Variants in SUGCT observed in about 807,000 individuals in gnomAD.
SUGCT encodes succinyl-CoA:glutarate-CoA transferase.
Under a neutral mutation model 55.0 loss-of-function variants are expected in SUGCT, and 41 were observed. The ratio of observed to expected loss-of-function variants is 0.74; its 90% CI spans 0.58 to 0.97. The LOEUF (loss-of-function observed/expected upper bound fraction) is 0.97, where lower values mean the gene tolerates loss of function less well. Ranked by LOEUF, SUGCT falls within the 50% of genes least tolerant of loss-of-function variation. The pLI is 0.00. For missense variants in SUGCT, 568 were observed against 547.8 expected (o/e 1.04, Z -0.37); for synonymous variants, 187 against 200.4 (o/e 0.93, Z 0.56).
At chr7:40,633,351 A>G (rs1799878167) in intron 12 of SUGCT, among the ~76,000 whole-genome samples, 1 of 152,226 alleles carries the variant, frequency 6.6e-6, no homozygotes, top group Non-Finnish European at 1.5e-5. Flanking sequence ...AAGTAAAATA[A>G]ACATTCACTG....
At chr7:40,171,410 C>T (rs1445409228) in intron 1 of SUGCT, among the ~76,000 whole-genome samples, 1 of 152,194 alleles carries the variant, frequency 6.6e-6, no homozygotes, top group East Asian at 1.9e-4. Flanking sequence ...CTCAGTCACC[C>T]TGGAGGAACC....
intron 7 of SUGCT, among the ~76,000 whole-genome samples, chr7:40,247,473 G>A (rs956592915): frequency 3.3e-5 from 5 of 152,066 alleles, no homozygotes; most frequent in African/African-American, 1.2e-4. Context: ...GGCCAGGCTG[G>A]TTTTGAACTC....
intron 12 of SUGCT, among the ~76,000 whole-genome samples, chr7:40,722,402 G>A (rs1786389228): frequency 6.6e-6 from 1 of 152,152 alleles, no homozygotes; most frequent in Non-Finnish European, 1.5e-5. Context: ...AGACCTTGGT[G>A]CAGTGCTCAG....
intron 12 of SUGCT, among the ~76,000 whole-genome samples, chr7:40,668,120 A>C (rs987351528): frequency 6.6e-6 from 1 of 152,198 alleles, no homozygotes; most frequent in Non-Finnish European, 1.5e-5. Context: ...ATTTGTCAGA[A>C]TATAAATGGT....
intron 13 of SUGCT, chr7:40,782,558 A>T (rs545569598): frequency 1.3e-5 from 2 of 152,314 alleles, no homozygotes; most frequent in Admixed American, 1.3e-4. Context: ...TCTTCTAGCC[A>T]CCACATTTAG....
the SUGCT span, among the ~76,000 whole-genome samples, chr7:40,963,126 C>T: frequency 6.6e-6 from 1 of 152,044 alleles, no homozygotes; most frequent in Non-Finnish European, 1.5e-5. Context: ...TCAAAATTTA[C>T]CTAATTATTA....
chr7:40,628,322 C>T (rs1469620346), intron 12 of SUGCT, among the ~76,000 whole-genome samples: 3 of 152,178 alleles, frequency 2.0e-5, no homozygotes, highest in African/African-American at 7.2e-5. Context: ...GTATGCTAGG[C>T]GGTTGGATCA....
intron 6 of SUGCT, among the ~76,000 whole-genome samples, chr7:40,232,301 CG>C (rs1407981204): frequency 6.6e-6 from 1 of 152,142 alleles, no homozygotes; most frequent in African/African-American, 2.4e-5. Flanking sequence ...AGATCCCTGT[CG>C]GGAGAGTTGT....
chr7:40,540,532 A>G (rs990569941), intron 12 of SUGCT, among the ~76,000 whole-genome samples: 2 of 152,248 alleles, frequency 1.3e-5, no homozygotes, highest in Non-Finnish European at 2.9e-5. Flanking sequence ...TGTCCTTACC[A>G]GGAAAGTTAC....
At chr7:40,157,892 A>C (rs569360217) in intron 1 of SUGCT, among the ~76,000 whole-genome samples, 1 of 152,300 alleles carries the variant, frequency 6.6e-6, no homozygotes, top group South Asian at 2.1e-4. Flanking sequence ...TCCGAGAGTC[A>C]AATTCTACTG....
intron 9 of SUGCT, among the ~76,000 whole-genome samples, chr7:40,317,852 A>G (rs1171394510): frequency 1.3e-5 from 2 of 152,194 alleles, no homozygotes; most frequent in East Asian, 3.8e-4. Flanking sequence ...CTCTGTTTAT[A>G]TTCATGGCCC....
At chr7:40,957,780 T>A in the SUGCT span, among the ~76,000 whole-genome samples, 1 of 152,192 alleles carries the variant, frequency 6.6e-6, no homozygotes, top group Non-Finnish European at 1.5e-5. Flanking sequence ...CATTTTTGTA[T>A]GTTGTTGCAG....
intron 6 of SUGCT, chr7:40,217,601 A>C (rs578021838): frequency 2.8e-4 from 79 of 286,270 alleles, no homozygotes; most frequent in Non-Finnish European, 5.0e-4. Flanking sequence ...CTTTCTCCCC[A>C]TCCTCCTCTA....
chr7:40,272,993 G>T (rs933593384), intron 7 of SUGCT, among the ~76,000 whole-genome samples: 2 of 152,022 alleles, frequency 1.3e-5, no homozygotes, highest in African/African-American at 4.8e-5. Flanking sequence ...AAAATTCCAC[G>T]TATAAGTGGA....
the SUGCT span, among the ~76,000 whole-genome samples, chr7:40,981,498 T>C: frequency 6.6e-6 from 1 of 152,224 alleles, no homozygotes; most frequent in Non-Finnish European, 1.5e-5. Flanking sequence ...ACTCTTAGTG[T>C]TCTTTTCAGA....
the SUGCT span, among the ~76,000 whole-genome samples, chr7:40,909,092 A>T: frequency 6.6e-6 from 1 of 152,214 alleles, no homozygotes; most frequent in African/African-American, 2.4e-5. Context: ...TCTACAATGC[A>T]TGTATACTGC....
At chr7:40,703,142 G>T (rs1185940503) in intron 12 of SUGCT, among the ~76,000 whole-genome samples, 2 of 147,440 alleles carry the variant, frequency 1.4e-5, no homozygotes, top group East Asian at 4.0e-4. Context: ...TCAGCTCACT[G>T]CAAACTCCGC....
At chr7:40,830,244 T>C (rs998018335) in intron 13 of SUGCT, among the ~76,000 whole-genome samples, 1 of 152,168 alleles carries the variant, frequency 6.6e-6, no homozygotes, top group African/African-American at 2.4e-5. Context: ...ATGTGGCTTT[T>C]CACAATGTAA....
intron 12 of SUGCT, among the ~76,000 whole-genome samples, chr7:40,747,911 T>G (rs1006752361): frequency 2.6e-5 from 4 of 152,152 alleles, no homozygotes; most frequent in Non-Finnish European, 5.9e-5. Context: ...CCACCTTTAG[T>G]TGGAGGGCAC....
Sources: allele counts gnomAD v4.1 joint callset (sites outside exome capture counted in the v4.1 genomes callset), GRCh38; gene constraint gnomAD v4.1.1; transcripts MANE v1.5; gene names NCBI Gene and HGNC (gene_info 2026-07-23, HGNC 2026-07-21).